SLC71A2: variants seen among roughly 807,000 people sequenced by gnomAD.
SLC71A2 encodes hippocampus abundant transcript-like 1.
the SLC71A2 span, chr9:94,445,312 T>A: frequency 1.4e-6 from 1 of 700,026 alleles, no homozygotes; most frequent in Non-Finnish European, 2.3e-6. Flanking sequence ...TAGAAAAAAT[T>A]AATTGCAAGT....
the SLC71A2 span, chr9:94,456,328 G>C: frequency 1.9e-6 from 3 of 1,613,844 alleles, no homozygotes; most frequent in Non-Finnish European, 2.5e-6. Flanking sequence ...TGCAGAGTCA[G>C]ATCAGCAAGG....
At chr9:94,406,066 AT>A in the SLC71A2 span, among the ~76,000 whole-genome samples, 212 of 63,594 alleles carry the variant, frequency 3.3e-3, 3 homozygotes, top group East Asian at 0.035. Flanking sequence ...TGCAACTTGA[AT>A]TTTTTTTTTT....
the SLC71A2 span, among the ~76,000 whole-genome samples, chr9:94,397,653 C>T: frequency 6.6e-6 from 1 of 152,184 alleles, no homozygotes; most frequent in Admixed American, 6.5e-5. Flanking sequence ...CTCCTCTGGA[C>T]TGTGACAGTT....
the SLC71A2 span, among the ~76,000 whole-genome samples, chr9:94,390,074 C>T: frequency 1.2e-4 from 19 of 152,174 alleles, no homozygotes; most frequent in Admixed American, 7.2e-4. Flanking sequence ...ATTAGCCGGG[C>T]GTGGTGGCGG....
At chr9:94,409,129 C>CTTTT in the SLC71A2 span, among the ~76,000 whole-genome samples, 809 of 68,224 alleles carry the variant, frequency 0.012, 73 homozygotes, top group African/African-American at 0.036. Context: ...GCCCGGCCTC[C>CTTTT]TTTTTTTTTT....
chr9:94,433,879 C>G, the SLC71A2 span, among the ~76,000 whole-genome samples: 1 of 152,036 alleles, frequency 6.6e-6, no homozygotes, highest in East Asian at 1.9e-4. Flanking sequence ...ACAATGAATT[C>G]AAAATGGAAA....
chr9:94,451,729 T>C, the SLC71A2 span, among the ~76,000 whole-genome samples: 1 of 152,254 alleles, frequency 6.6e-6, no homozygotes, highest in African/African-American at 2.4e-5. Flanking sequence ...CACAGAACTA[T>C]TCCTTCTTAT....
the SLC71A2 span, chr9:94,446,919 T>G: frequency 1.9e-6 from 3 of 1,590,540 alleles, no homozygotes; most frequent in South Asian, 3.3e-5. Context: ...TTCAAGTTTT[T>G]TTCTCTATCT....
the SLC71A2 span, among the ~76,000 whole-genome samples, chr9:94,386,034 T>C: frequency 1.3e-5 from 2 of 152,080 alleles, no homozygotes; most frequent in Non-Finnish European, 2.9e-5. Flanking sequence ...GGGATTGTAT[T>C]GAATCTGTAA....
chr9:94,397,786 C>T, the SLC71A2 span, among the ~76,000 whole-genome samples: 1 of 152,136 alleles, frequency 6.6e-6, no homozygotes, highest in Middle Eastern at 3.2e-3. Context: ...AGTGGAATTA[C>T]GGGTGTTTGG....
the SLC71A2 span, among the ~76,000 whole-genome samples, chr9:94,425,362 A>C: frequency 6.6e-6 from 1 of 152,192 alleles, no homozygotes; most frequent in South Asian, 2.1e-4. Context: ...GGTCAATGCA[A>C]TCATAATCAA....
the SLC71A2 span, among the ~76,000 whole-genome samples, chr9:94,375,419 G>A: frequency 6.6e-6 from 1 of 151,398 alleles, no homozygotes; most frequent in African/African-American, 2.4e-5. Context: ...ACCAGCCGAG[G>A]AGCAAGTTAG....
chr9:94,377,553 T>TTA, the SLC71A2 span, among the ~76,000 whole-genome samples: 32,112 of 131,756 alleles, frequency 0.24, 4,778 homozygotes, highest in East Asian at 0.54. Flanking sequence ...TTTTTTTTTT[T>TTA]AATTTATTTT....
the SLC71A2 span, among the ~76,000 whole-genome samples, chr9:94,410,681 A>G: frequency 1.2e-4 from 18 of 152,248 alleles, no homozygotes; most frequent in Admixed American, 1.3e-4. Context: ...TCCTAATCAT[A>G]GGAAAGAAGC....
the SLC71A2 span, among the ~76,000 whole-genome samples, chr9:94,388,560 G>A: frequency 1.3e-5 from 2 of 152,224 alleles, no homozygotes; most frequent in South Asian, 2.1e-4. Context: ...CTAAGCTGCC[G>A]TTAAAAGTGA....
chr9:94,450,200 A>T, the SLC71A2 span, among the ~76,000 whole-genome samples: 1 of 152,260 alleles, frequency 6.6e-6, no homozygotes. Context: ...ATTGTATGGT[A>T]TTTAAATTCT....
chr9:94,405,339 C>G, the SLC71A2 span, among the ~76,000 whole-genome samples: 1 of 151,740 alleles, frequency 6.6e-6, no homozygotes, highest in African/African-American at 2.4e-5. Flanking sequence ...ACTAAAAATA[C>G]AAAAAATTAG....
At chr9:94,383,515 C>T in the SLC71A2 span, among the ~76,000 whole-genome samples, 1 of 151,952 alleles carries the variant, frequency 6.6e-6, no homozygotes, top group Non-Finnish European at 1.5e-5. Flanking sequence ...AGTCTCTGAA[C>T]TCTTTATTCT....
chr9:94,429,312 ACT>A, the SLC71A2 span: 1 of 1,517,354 alleles, frequency 6.6e-7, no homozygotes, highest in Non-Finnish European at 8.8e-7. Context: ...TGGTAGTTTA[ACT>A]CTGGAAGTTT....
Sources: gnomAD v4.1 joint callset for allele counts (sites outside exome capture counted in the v4.1 genomes callset) on GRCh38, gnomAD v4.1.1 for gene constraint, MANE v1.5 for transcripts, NCBI Gene and HGNC (gene_info 2026-07-23, HGNC 2026-07-21) for gene names.